Variants in CCNY observed in about 807,000 individuals in gnomAD.
The protein encoded by CCNY is cyclin-Y.
A neutral mutation model predicts 42.8 loss-of-function variants in CCNY; 19 were observed. The ratio of observed to expected loss-of-function variants is 0.44; its 90% CI spans 0.31 to 0.65. The LOEUF is 0.65. Among genes scored for constraint, CCNY ranks in the 30% least tolerant of loss-of-function variants. The pLI is 0.07. For synonymous variants in CCNY, 165 were observed against 162.7 expected, an observed-to-expected ratio of 1.01 and a Z score of -0.11; for missense variants, 370 against 437.3, an observed-to-expected ratio of 0.85 and a Z score of 1.37.
chr10:35,324,852 A>AT (rs1183402183), intron 3 of CCNY, among the ~76,000 whole-genome samples: 2 of 152,240 alleles, frequency 1.3e-5, no homozygotes, highest in Non-Finnish European at 2.9e-5. Context: ...TTTATCCTTC[A>AT]TAAAGGATAT....
At chr10:35,430,915 G>A (rs1332193862) in intron 1 of CCNY, among the ~76,000 whole-genome samples, 1 of 151,944 alleles carries the variant, frequency 6.6e-6, no homozygotes, top group African/African-American at 2.4e-5. Flanking sequence ...TCAAGAGATC[G>A]AGACCATCCT....
intron 5 of CCNY, among the ~76,000 whole-genome samples, chr10:35,526,523 C>T (rs1840655863): frequency 1.3e-5 from 2 of 152,090 alleles, no homozygotes; most frequent in Admixed American, 6.5e-5. Context: ...CATTTTATTT[C>T]AACATAAAAC....
chr10:35,312,746 AC>A (rs1432008668), intron 3 of CCNY, among the ~76,000 whole-genome samples: 1 of 97,068 alleles, frequency 1.0e-5, no homozygotes, highest in African/African-American at 4.0e-5. Flanking sequence ...ATTCCTTTTT[AC>A]TTTTTTTTTT....
chr10:35,400,100 A>G (rs889803608), intron 1 of CCNY, among the ~76,000 whole-genome samples: 10 of 151,974 alleles, frequency 6.6e-5, no homozygotes, highest in African/African-American at 1.9e-4. Flanking sequence ...CCCTTGCCTG[A>G]TTTTAGCCCT....
rs927016767 is a variant in CCNY, at chr10:35,547,117, C to T, written c.580-5902C>T. Among the ~76,000 whole-genome samples, 17 of 152,256 alleles carry T rather than the reference C, an allele frequency of 1.1e-4. No individual in the cohort carries two copies. In the East Asian group the frequency reaches 1.7e-3, roughly 16 times the overall value. The stretch of plus-strand genomic sequence containing the variant: ...ATTTGTCATCAGCCTTTGTAAAATA[C>T]GCAGCCTGGGGCCCTAAGATCAGTG... On this transcript the variant is annotated intron_variant, in intron 7 of 9. Transcript: ENST00000374704.
At position 35,569,507 on chromosome 10, in the gene CCNY, G is replaced by A. The variant is rs767402411; in HGVS notation, c.*337G>A. The A allele has an allele frequency of 3.1e-5, 10 of 321,354 alleles. No homozygotes were observed. Among genetic ancestry groups the A allele is most frequent in the Non-Finnish European group, 5.9e-5 (10 of 168,298 alleles). The allele number at this position is 321,354 out of a possible 1,614,324, so 19.9% of individuals were successfully genotyped here. On this transcript the variant is annotated 3_prime_UTR_variant, in exon 10 of 10. Transcript: ENST00000374704. ...GGCCCTCTGGAGTCCCCATGGGGGC[G>A]GTAGCTGAAGTTGGCGAGCGCAGCG...
rs137964801 is a variant in CCNY, at chr10:35,536,367, T to C, written c.579+6124T>C. Among the ~76,000 whole-genome samples the C allele has an allele frequency of 3.9e-4, 60 of 152,202 alleles. 2 individuals carry two copies. The East Asian group carries it at 0.011, about 27-fold the overall frequency. ...CTCGGGTATGTCTTTATCATCAGTG[T>C]GAAAATGGACTAACACAGTAAATTG... On this transcript the variant is annotated intron_variant, in intron 7 of 9. Coordinates refer to ENST00000374704, the MANE Select transcript of CCNY (RefSeq NM_145012.6).
At chr10:35,542,628 A>G (rs1841027058) in intron 7 of CCNY, among the ~76,000 whole-genome samples, 1 of 152,214 alleles carries the variant, frequency 6.6e-6, no homozygotes, top group African/African-American at 2.4e-5. Context: ...AGGCCTTGGC[A>G]GGGCCCAGCC....
chr10:35,290,312 G>A (rs1835399385), intron 3 of CCNY, among the ~76,000 whole-genome samples: 1 of 151,238 alleles, frequency 6.6e-6, no homozygotes, highest in African/African-American at 2.4e-5. Flanking sequence ...AGCTACTTGG[G>A]AGGTTGAGGC....
At chr10:35,264,618 G>T (rs963318242) in intron 3 of CCNY, among the ~76,000 whole-genome samples, 1 of 151,764 alleles carries the variant, frequency 6.6e-6, no homozygotes, top group African/African-American at 2.4e-5. Context: ...TATCTTTTGA[G>T]CAGTGTCTGT....
chr10:35,569,173 ACGGAGGCCCGC>A lies in CCNY; in HGVS notation c.*12_*22del, dbSNP rs777618393. ...GGTCCCCAGCCATCATCTCTTAACT[ACGGAGGCCCGC>A]CGGAGGCCACACCATCCCTTAGTTT... On this transcript the variant is annotated 3_prime_UTR_variant, in exon 10 of 10. Coordinates refer to ENST00000374704, the MANE Select transcript of CCNY (RefSeq NM_145012.6). 125 of 1,560,986 alleles carry A rather than the reference ACGGAGGCCCGC, an allele frequency of 8.0e-5. No individual in the cohort carries two copies. Among genetic ancestry groups the A allele is most frequent in the Non-Finnish European group, 1.0e-4 (116 of 1,134,562 alleles).
intron 1 of CCNY, among the ~76,000 whole-genome samples, chr10:35,386,901 G>T (rs572627219): frequency 6.6e-6 from 1 of 152,118 alleles, no homozygotes; most frequent in Non-Finnish European, 1.5e-5. Flanking sequence ...CTCTGAAAGC[G>T]TTGGGAGTGA....
At position 35,411,470 on chromosome 10, in the gene CCNY, A is replaced by G. The variant is rs553710940; in HGVS notation, c.155-71934A>G. Among the ~76,000 whole-genome samples the G allele has an allele frequency of 1.1e-4, 17 of 148,174 alleles. No individual in the cohort carries two copies. In the South Asian group the frequency reaches 3.7e-3, roughly 32 times the overall value. The stretch of plus-strand genomic sequence containing the variant: ...TGGAGGTTTGCAGTGAGCTAAAATC[A>G]AGCCACTGCACTCCAGCCTGGGTGA... On this transcript the variant is annotated intron_variant, in intron 1 of 9. Coordinates refer to ENST00000374704, the MANE Select transcript of CCNY (RefSeq NM_145012.6).
At chr10:35,451,897 A>C (rs1589130441) in intron 1 of CCNY, among the ~76,000 whole-genome samples, 1 of 152,202 alleles carries the variant, frequency 6.6e-6, no homozygotes, top group South Asian at 2.1e-4. Flanking sequence ...CACTGGCTTG[A>C]ATGGCAGTGA....
intron 1 of CCNY, among the ~76,000 whole-genome samples, chr10:35,414,598 G>A (rs1837984989): frequency 6.6e-6 from 1 of 152,222 alleles, no homozygotes; most frequent in Non-Finnish European, 1.5e-5. Context: ...TGAATACCAG[G>A]AGGCGGGAAT....
chr10:35,395,618 G>C (rs1837508130), intron 1 of CCNY, among the ~76,000 whole-genome samples: 1 of 152,188 alleles, frequency 6.6e-6, no homozygotes, highest in African/African-American at 2.4e-5. Context: ...CAGCTAAACT[G>C]ACTTAGCAGG....
At chr10:35,287,237 C>A (rs1276796504) in intron 3 of CCNY, among the ~76,000 whole-genome samples, 1 of 151,868 alleles carries the variant, frequency 6.6e-6, no homozygotes, top group South Asian at 2.1e-4. Context: ...GGGGAGAAAG[C>A]CTAAAATTAT....
chr10:35,510,436 C>T (rs1389477548), intron 3 of CCNY, among the ~76,000 whole-genome samples: 3 of 152,124 alleles, frequency 2.0e-5, no homozygotes, highest in Non-Finnish European at 2.9e-5. Flanking sequence ...AGGTTGGTCT[C>T]GAACTCCTGG....
Position 35,417,895 on chromosome 10 carries a change from G to A in CCNY, c.155-65509G>A, listed in dbSNP as rs1177945126. On this transcript the variant is annotated intron_variant, in intron 1 of 9. Coordinates refer to ENST00000374704, the MANE Select transcript of CCNY (RefSeq NM_145012.6). The stretch of plus-strand genomic sequence containing the variant: ...GAATAGTTCACCTCTCTAGCAATCT[G>A]TTCTCTTTTTTTCATCAGCTGTTTC... Among the ~76,000 whole-genome samples the A allele has an allele frequency of 2.0e-5, 3 of 152,170 alleles. No homozygotes were observed. In the East Asian group the frequency reaches 5.8e-4, roughly 29 times the overall value.
Sources: allele counts gnomAD v4.1 joint callset (sites outside exome capture counted in the v4.1 genomes callset), GRCh38; gene constraint gnomAD v4.1.1; transcripts MANE v1.5; gene names NCBI Gene and HGNC (gene_info 2026-07-23, HGNC 2026-07-21).